Variants in OCA2 observed in about 807,000 individuals in gnomAD.
The protein encoded by OCA2 is OCA2 melanosomal transmembrane protein, also known as P protein.
In OCA2, 77 loss-of-function variants were observed where a neutral mutation model predicts 100.2. That is an observed-to-expected ratio of 0.77 (90% CI 0.64 to 0.93). OCA2 has a LOEUF of 0.93. OCA2 is among the 40% of genes least tolerant of loss of function. The pLI is 0.00. For synonymous variants in OCA2, 432 were observed against 439.2 expected, an observed-to-expected ratio of 0.98 and a Z score of 0.21; for missense variants, 1,062 against 1,089.1, an observed-to-expected ratio of 0.98 and a Z score of 0.35.
intron 2 of OCA2, among the ~76,000 whole-genome samples, chr15:28,078,873 A>G (rs2044520726): frequency 6.6e-6 from 1 of 152,194 alleles, no homozygotes; most frequent in South Asian, 2.1e-4. Context: ...CTTGTTTCAC[A>G]CAGATTTTAA....
Position 28,031,349 on chromosome 15 carries a change from A to T in OCA2, c.326+716T>A, listed in dbSNP as rs1396190047. On this transcript the variant is annotated intron_variant, in intron 3 of 23. Coordinates refer to ENST00000354638, the MANE Select transcript of OCA2 (RefSeq NM_000275.3). ...ATTTCAGTTTGACAGTGACAATGTC[A>T]CCAAGTTTGTGACGTTCAAGGAGCC... 2.0e-5 allele frequency among the ~76,000 whole-genome samples: 3 copies of T among 152,210 alleles called. No homozygotes were observed. The East Asian group carries it at 5.8e-4, about 29-fold the overall frequency.
At chr15:27,753,770 GAAAA>G (rs1054039676), downstream of OCA2, among the ~76,000 whole-genome samples, 2 of 151,702 alleles carry the variant, frequency 1.3e-5, no homozygotes, top group African/African-American at 4.8e-5. Flanking sequence ...AAGAAAGAAA[GAAAA>G]AAGAATGAGA....
At chr15:27,946,602 G>A (rs765074761) in intron 18 of OCA2, among the ~76,000 whole-genome samples, 1 of 152,150 alleles carries the variant, frequency 6.6e-6, no homozygotes, top group African/African-American at 2.4e-5. Flanking sequence ...GATTCTGGGG[G>A]CTGCCCAATT....
chr15:27,891,991 T>A (rs555285129), intron 19 of OCA2, among the ~76,000 whole-genome samples: 1 of 152,054 alleles, frequency 6.6e-6, no homozygotes, highest in African/African-American at 2.4e-5. Flanking sequence ...TAAATAATGA[T>A]AAATAGGTCA....
At chr15:27,757,492 C>CA (rs778929456) in intron 23 of OCA2, among the ~76,000 whole-genome samples, 3 of 152,184 alleles carry the variant, frequency 2.0e-5, no homozygotes, top group African/African-American at 4.8e-5. Context: ...CAGTAAAAGG[C>CA]AGAGATGGTG....
At chr15:27,973,801 C>T (rs2040879653) in intron 14 of OCA2, among the ~76,000 whole-genome samples, 2 of 152,172 alleles carry the variant, frequency 1.3e-5, no homozygotes, top group African/African-American at 2.4e-5. Flanking sequence ...GATACTGACT[C>T]TTCCAATCCA....
At chr15:27,955,126 T>A (rs1431867213) in intron 17 of OCA2, 32 bp downstream of exon 17, 3 of 1,520,406 alleles carry the variant, frequency 2.0e-6, no homozygotes, top group Non-Finnish European at 2.7e-6. Context: ...GAGAAGTGAA[T>A]CAGAAATCCC....
intron 2 of OCA2, among the ~76,000 whole-genome samples, chr15:28,066,047 T>C (rs1171359700): frequency 6.6e-6 from 1 of 152,180 alleles, no homozygotes; most frequent in Non-Finnish European, 1.5e-5. Context: ...GTTGCTATAC[T>C]TAATAAGTTA....
At chr15:27,796,407 G>A (rs2033336178) in intron 23 of OCA2, among the ~76,000 whole-genome samples, 1 of 152,274 alleles carries the variant, frequency 6.6e-6, no homozygotes, top group Non-Finnish European at 1.5e-5. Context: ...TGGTCAACAG[G>A]ATGCCCAGGA....
chr15:28,018,869 G>A (rs142856848), intron 6 of OCA2, among the ~76,000 whole-genome samples: 1 of 152,094 alleles, frequency 6.6e-6, no homozygotes, highest in South Asian at 2.1e-4. Flanking sequence ...GACAGGCCTC[G>A]CCAGGGCCCC....
intron 22 of OCA2, among the ~76,000 whole-genome samples, chr15:27,848,564 C>T (rs920906920): frequency 6.6e-6 from 1 of 152,178 alleles, no homozygotes; most frequent in Non-Finnish European, 1.5e-5. Flanking sequence ...CCTGGCACAC[C>T]CAGGTCATCC....
intron 23 of OCA2, among the ~76,000 whole-genome samples, chr15:27,841,086 G>T (rs1056707731): frequency 6.6e-6 from 1 of 152,190 alleles, no homozygotes; most frequent in Non-Finnish European, 1.5e-5. Flanking sequence ...GTGAGGAGAT[G>T]ACTAAACAAA....
intron 2 of OCA2, among the ~76,000 whole-genome samples, chr15:28,045,288 T>C (rs1469764079): frequency 6.6e-6 from 1 of 152,212 alleles, no homozygotes; most frequent in Non-Finnish European, 1.5e-5. Context: ...CTAGAGAGCA[T>C]ACAATAGGAA....
At chr15:27,888,672 TATC>T (rs2037328680) in intron 19 of OCA2, among the ~76,000 whole-genome samples, 1 of 152,212 alleles carries the variant, frequency 6.6e-6, no homozygotes, top group African/African-American at 2.4e-5. Flanking sequence ...TTTAATTTTA[TATC>T]ATCAATACAA....
the OCA2 span, among the ~76,000 whole-genome samples, chr15:27,743,348 T>C: frequency 6.6e-6 from 1 of 152,022 alleles, no homozygotes; most frequent in Non-Finnish European, 1.5e-5. Flanking sequence ...TGAGAAGGGG[T>C]GGGGACAGGT....
At chr15:27,955,866 A>G (rs2040206821) in intron 16 of OCA2, among the ~76,000 whole-genome samples, 1 of 151,882 alleles carries the variant, frequency 6.6e-6, no homozygotes, top group Admixed American at 6.6e-5. Flanking sequence ...CTTCTTTTTC[A>G]TGTTTCTGAC....
intron 2 of OCA2, among the ~76,000 whole-genome samples, chr15:28,077,841 G>A (rs934767605): frequency 2.0e-5 from 3 of 152,162 alleles, no homozygotes; most frequent in African/African-American, 4.8e-5. Context: ...CAGCACTTTC[G>A]GAGACCGAGG....
At chr15:28,017,356 G>C (rs2042429766) in intron 7 of OCA2, among the ~76,000 whole-genome samples, 1 of 152,150 alleles carries the variant, frequency 6.6e-6, no homozygotes, top group Admixed American at 6.5e-5. Flanking sequence ...GTGCCATACA[G>C]ATCATTTAAT....
intron 14 of OCA2, among the ~76,000 whole-genome samples, chr15:27,970,759 A>G (rs1274758997): frequency 6.6e-6 from 1 of 150,466 alleles, no homozygotes; most frequent in Non-Finnish European, 1.5e-5. Context: ...GGGAAAACAT[A>G]AAGAACATCC....
Sources: allele counts gnomAD v4.1 joint callset (sites outside exome capture counted in the v4.1 genomes callset), GRCh38; gene constraint gnomAD v4.1.1; transcripts MANE v1.5; gene names NCBI Gene and HGNC (gene_info 2026-07-23, HGNC 2026-07-21).